Variants in CNTN6 observed in about 807,000 individuals in gnomAD.
The protein encoded by CNTN6 is contactin-6.
Under a neutral mutation model 122.8 loss-of-function variants are expected in CNTN6, and 137 were observed. That is an observed-to-expected ratio of 1.12 (90% CI 0.97 to 1.29). The LOEUF is 1.29. CNTN6 is among the 50% of genes most tolerant of loss of function. The probability of loss-of-function intolerance (pLI) is 0.00; values close to 1 mark genes in which losing one functional copy is unlikely to be tolerated. For missense variants in CNTN6, 1,634 were observed against 1,223.4 expected, an observed-to-expected ratio of 1.34 and a Z score of -5.01; for synonymous variants, 570 against 426.0, an observed-to-expected ratio of 1.34 and a Z score of -4.16.
At chr3:1,374,209 CTTT>C in intron 16 of CNTN6, 136 bp downstream of exon 16, 1 of 798,344 alleles carries the variant, frequency 1.3e-6, no homozygotes, top group Non-Finnish European at 1.8e-6. Flanking sequence ...CTCTCATTTT[CTTT>C]TATTTTTACA....
At position 1,151,238 on chromosome 3, in the gene CNTN6, T is replaced by C. The variant is rs537843382; in HGVS notation, c.55+3175T>C. ...GCAGGGACTATATCTTGCTGGTACT[T>C]GGTAGGGATTCAGTAAATATTTGTT... On this transcript the variant is annotated intron_variant, in intron 2 of 22. Coordinates refer to ENST00000446702, the MANE Select transcript of CNTN6 (RefSeq NM_001289080.2). 2.5e-3 allele frequency among the ~76,000 whole-genome samples: 375 copies of C among 152,312 alleles called. 3 individuals are homozygous for C. The highest frequency in any genetic ancestry group is 4.6e-3 in the Non-Finnish European group (310 of 68,030).
At chr3:1,173,853 C>G (rs1225527509) in intron 2 of CNTN6, among the ~76,000 whole-genome samples, 1 of 151,850 alleles carries the variant, frequency 6.6e-6, no homozygotes, top group Admixed American at 6.6e-5. Flanking sequence ...CTCCTGCACA[C>G]CAGAGCAATG....
chr3:1,308,286 T>TA (rs1241599829), intron 7 of CNTN6, among the ~76,000 whole-genome samples: 4 of 105,962 alleles, frequency 3.8e-5, no homozygotes, highest in Non-Finnish European at 7.3e-5. Context: ...TATGGGGTGT[T>TA]TTGTGTGTGT....
At chr3:1,359,519 G>C (rs17038181) in intron 12 of CNTN6, among the ~76,000 whole-genome samples, 5,645 of 152,056 alleles carry the variant, frequency 0.037, 136 homozygotes, top group South Asian at 0.057. Flanking sequence ...GTAAATAAAT[G>C]AGTAATGGTA....
At chr3:1,159,605 T>C (rs2093074258) in intron 2 of CNTN6, among the ~76,000 whole-genome samples, 1 of 151,968 alleles carries the variant, frequency 6.6e-6, no homozygotes, top group African/African-American at 2.4e-5. Flanking sequence ...TATACTGTCA[T>C]TAATTTTATT....
At chr3:1,154,356 C>T (rs2092913126) in intron 2 of CNTN6, among the ~76,000 whole-genome samples, 1 of 151,912 alleles carries the variant, frequency 6.6e-6, no homozygotes, top group African/African-American at 2.4e-5. Flanking sequence ...AACACCAGGT[C>T]ATATTTTCAC....
At chr3:1,168,461 G>C (rs1045302558) in intron 2 of CNTN6, among the ~76,000 whole-genome samples, 5 of 150,488 alleles carry the variant, frequency 3.3e-5, no homozygotes, top group African/African-American at 1.2e-4. Flanking sequence ...GGACCAGGAA[G>C]CTGGGACACT....
chr3:1,180,625 A>AT (rs993084101), intron 2 of CNTN6, among the ~76,000 whole-genome samples: 2 of 152,352 alleles, frequency 1.3e-5, no homozygotes, highest in African/African-American at 4.8e-5. Flanking sequence ...TGGAAAGAGC[A>AT]TTAGATATGG....
intron 7 of CNTN6, among the ~76,000 whole-genome samples, chr3:1,305,923 G>T (rs1698285414): frequency 6.6e-6 from 1 of 152,124 alleles, no homozygotes; most frequent in Admixed American, 6.6e-5. Flanking sequence ...AGGTGACAGA[G>T]GAGCTATTTC....
rs201963567 is a variant in CNTN6, at chr3:1,377,092, C to G, written c.2166+17C>G. ...ACGTGGGAGGTAATTTTCTGTCCAA[C>G]TGAGTTATTTTGAAGAAAAGAGATT... On this transcript the variant is annotated intron_variant, in intron 17 of 22. Coordinates refer to ENST00000446702, the MANE Select transcript of CNTN6 (RefSeq NM_001289080.2). 4 of 1,562,178 alleles carry G rather than the reference C, an allele frequency of 2.6e-6. No homozygotes were observed. Among genetic ancestry groups the G allele is most frequent in the Admixed American group, 3.6e-5 (2 of 55,498 alleles).
In CNTN6 at chr3:1,220,802, G is replaced by A. The variant is rs149735803; in HGVS notation, c.171G>A (p.Ser57=). 78 of 1,601,572 alleles carry A rather than the reference G, an allele frequency of 4.9e-5. No homozygotes were observed. Among genetic ancestry groups the A allele is most frequent in the African/African-American group, 4.7e-4 (35 of 74,266 alleles). ...ATTGTGCTGCTAATGGTTACCCTTC[G>A]CCTCATTATAGGTAAAATCCTACCT... The part of the protein sequence containing the change: ...ILNCAANGYP[S]PHYRWKQNGT... The change falls in exon 3 of 23, where the codon TCG becomes TCA. Residue 57 remains serine, a synonymous_variant. Transcript: ENST00000446702.
At chr3:1,316,770 A>G (rs1700152707) in intron 7 of CNTN6, among the ~76,000 whole-genome samples, 1 of 151,954 alleles carries the variant, frequency 6.6e-6, no homozygotes, top group African/African-American at 2.4e-5. Flanking sequence ...TTGGAAAAAT[A>G]CGCTTACATT....
intron 7 of CNTN6, among the ~76,000 whole-genome samples, chr3:1,319,405 C>T (rs1421847743): frequency 6.6e-6 from 1 of 151,566 alleles, no homozygotes; most frequent in Non-Finnish European, 1.5e-5. Flanking sequence ...GTACTTGGTA[C>T]TCTGTATTGT....
At chr3:1,290,929 G>T (rs576671157) in intron 5 of CNTN6, among the ~76,000 whole-genome samples, 11 of 152,178 alleles carry the variant, frequency 7.2e-5, no homozygotes, top group African/African-American at 2.4e-4. Flanking sequence ...TCTGTATCTT[G>T]TGCTGACCTC....
intron 5 of CNTN6, among the ~76,000 whole-genome samples, chr3:1,279,961 T>G (rs943806399): frequency 6.6e-6 from 1 of 152,172 alleles, no homozygotes; most frequent in South Asian, 2.1e-4. Flanking sequence ...TAAAATAATA[T>G]TGTTTCAGAA....
intron 1 of CNTN6, among the ~76,000 whole-genome samples, chr3:1,133,411 G>C (rs1479432658): frequency 6.6e-6 from 1 of 152,116 alleles, no homozygotes; most frequent in South Asian, 2.1e-4. Context: ...TTCTAAGCAG[G>C]TTATATGAGT....
chr3:1,228,144 A>C (rs1478133098), intron 4 of CNTN6, 151 bp downstream of exon 4: 2 of 659,616 alleles, frequency 3.0e-6, no homozygotes, highest in African/African-American at 3.6e-5. Flanking sequence ...GTGAATCTAG[A>C]TTCTTGGGTA....
intron 7 of CNTN6, among the ~76,000 whole-genome samples, chr3:1,298,973 T>C (rs1387759765): frequency 1.3e-5 from 2 of 152,164 alleles, no homozygotes; most frequent in Non-Finnish European, 2.9e-5. Context: ...TCCTTAAATG[T>C]CTCAGTCATA....
At chr3:1,271,420 C>A (rs80152428) in intron 4 of CNTN6, among the ~76,000 whole-genome samples, 1 of 152,082 alleles carries the variant, frequency 6.6e-6, no homozygotes. Flanking sequence ...GAGCCATATA[C>A]CCAATATTTC....
Sources: gnomAD v4.1 joint callset for allele counts (sites outside exome capture counted in the v4.1 genomes callset) on GRCh38, gnomAD v4.1.1 for gene constraint, MANE v1.5 for transcripts, NCBI Gene and HGNC (gene_info 2026-07-23, HGNC 2026-07-21) for gene names.